NPAS3: variants seen among roughly 807,000 people sequenced by gnomAD.
The protein encoded by NPAS3 is neuronal PAS domain-containing protein 3.
Under a neutral mutation model 73.1 loss-of-function variants are expected in NPAS3, and 14 were observed. That is an observed-to-expected ratio of 0.19 (90% CI 0.13 to 0.30). The LOEUF (loss-of-function observed/expected upper bound fraction) is 0.30. Ranked by LOEUF, NPAS3 falls within the 10% of genes least tolerant of loss-of-function variation. The probability of loss-of-function intolerance (pLI) is 1.00; values close to 1 mark genes in which losing one functional copy is unlikely to be tolerated. For synonymous variants in NPAS3, 620 were observed against 541.5 expected (o/e 1.14, Z -2.01); for missense variants, 1,096 against 1,250.0 (o/e 0.88, Z 1.86).
chr14:33,470,247 G>A (rs896191201), intron 4 of NPAS3, among the ~76,000 whole-genome samples: 2 of 152,184 alleles, frequency 1.3e-5, no homozygotes, highest in African/African-American at 2.4e-5. Flanking sequence ...CAGTTTCAAG[G>A]AAAGGGAACA....
chr14:33,399,863 C>G (rs1594836570), intron 4 of NPAS3, among the ~76,000 whole-genome samples: 1 of 151,956 alleles, frequency 6.6e-6, no homozygotes, highest in Admixed American at 6.6e-5. Context: ...AAATTCAATA[C>G]CAGACTCAAC....
At chr14:33,636,903 GCACACACACACA>G (rs34527893) in intron 5 of NPAS3, among the ~76,000 whole-genome samples, 2 of 149,174 alleles carry the variant, frequency 1.3e-5, no homozygotes, top group South Asian at 2.1e-4. Flanking sequence ...CTCGGAGTGT[GCACACACACACA>G]CACACACACA....
intron 4 of NPAS3, among the ~76,000 whole-genome samples, chr14:33,471,685 G>A (rs2050788539): frequency 6.6e-6 from 1 of 152,216 alleles, no homozygotes; most frequent in Non-Finnish European, 1.5e-5. Flanking sequence ...AAATTAAGTT[G>A]TAAAATGATT....
At chr14:32,938,837 G>C (rs894789407), upstream of NPAS3, among the ~76,000 whole-genome samples, 1 of 145,644 alleles carries the variant, frequency 6.9e-6, no homozygotes, top group South Asian at 2.1e-4. Context: ...GCCTCCCCCC[G>C]CCGCCGCCGC....
intron 2 of NPAS3, among the ~76,000 whole-genome samples, chr14:33,140,131 T>C (rs999434894): frequency 6.6e-6 from 1 of 152,198 alleles, no homozygotes; most frequent in Non-Finnish European, 1.5e-5. Context: ...TCTTTGGTGG[T>C]GTGGTTCAGT....
At chr14:33,218,099 T>C (rs1230638229) in intron 3 of NPAS3, among the ~76,000 whole-genome samples, 1 of 152,196 alleles carries the variant, frequency 6.6e-6, no homozygotes, top group Non-Finnish European at 1.5e-5. Context: ...TGTTGCAGTT[T>C]CTGGAATGGC....
At chr14:33,333,497 A>T (rs2044079322) in intron 3 of NPAS3, among the ~76,000 whole-genome samples, 1 of 152,136 alleles carries the variant, frequency 6.6e-6, no homozygotes, top group Non-Finnish European at 1.5e-5. Context: ...TCATTTTACA[A>T]ATATGGAAAC....
At position 33,018,221 on chromosome 14, in the gene NPAS3, G is replaced by A. The variant is rs193171138; in HGVS notation, c.51-37684G>A. On this transcript the variant is annotated intron_variant, in intron 1 of 11. Coordinates refer to ENST00000356141, the Ensembl canonical transcript of NPAS3. ...TGGAAAAGTGGAAACTTTGAAGGAA[G>A]CACGAATGCTGTCTTAAAACATTTG... 4.6e-5 allele frequency among the ~76,000 whole-genome samples: 7 copies of A among 152,316 alleles called. No homozygotes were observed. The East Asian group carries it at 9.6e-4, about 21-fold the overall frequency.
rs1328237305 is a variant in NPAS3, at chr14:33,500,828, T to C, written c.469-59293T>C. 2.6e-5 allele frequency among the ~76,000 whole-genome samples: 4 copies of C among 151,940 alleles called. No individual in the cohort carries two copies. In the East Asian group the frequency reaches 7.8e-4, roughly 30 times the overall value. ...AAGTGCAATCCAAACTAGATTTAAA[T>C]GTCACCGATGAAAAGAGAAAAGCCA... On this transcript the variant is annotated intron_variant, in intron 4 of 11. Coordinates refer to ENST00000356141, the Ensembl canonical transcript of NPAS3.
intron 1 of NPAS3, among the ~76,000 whole-genome samples, chr14:33,047,014 G>T (rs1010342785): frequency 6.6e-6 from 1 of 151,902 alleles, no homozygotes; most frequent in Non-Finnish European, 1.5e-5. Context: ...CAAGGTGATG[G>T]GTTCTTTAAA....
intron 5 of NPAS3, among the ~76,000 whole-genome samples, chr14:33,670,335 G>T (rs1005653789): frequency 5.3e-5 from 8 of 151,988 alleles, no homozygotes; most frequent in Non-Finnish European, 1.2e-4. Flanking sequence ...CTTTCTTCTT[G>T]TTCTACTAAT....
intron 1 of NPAS3, among the ~76,000 whole-genome samples, chr14:33,008,519 T>C (rs79692594): frequency 6.6e-6 from 1 of 152,296 alleles, no homozygotes; most frequent in African/African-American, 2.4e-5. Flanking sequence ...AAAGAGAATG[T>C]GAAATCACGA....
At chr14:33,516,587 TTC>T (rs1448470482) in intron 4 of NPAS3, among the ~76,000 whole-genome samples, 1 of 152,144 alleles carries the variant, frequency 6.6e-6, no homozygotes, top group Non-Finnish European at 1.5e-5. Flanking sequence ...CTAGGGCAAG[TTC>T]TATAACCTCT....
At chr14:33,467,088 G>A (rs1007907327) in intron 4 of NPAS3, among the ~76,000 whole-genome samples, 1 of 152,186 alleles carries the variant, frequency 6.6e-6, no homozygotes, top group Non-Finnish European at 1.5e-5. Flanking sequence ...TTACTTGGTT[G>A]GAATTACCCC....
chr14:32,941,821 C>G (rs746802911), intron 1 of NPAS3, among the ~76,000 whole-genome samples: 5 of 152,134 alleles, frequency 3.3e-5, no homozygotes, highest in Non-Finnish European at 7.4e-5. Context: ...CTAAACCTTT[C>G]AAAAGGCAAC....
chr14:33,795,707 CA>C (rs2063493559), intron 10 of NPAS3, among the ~76,000 whole-genome samples: 1 of 152,182 alleles, frequency 6.6e-6, no homozygotes, highest in South Asian at 2.1e-4. Context: ...ACTGCCTCAT[CA>C]GCCTCATGAC....
rs3057435 is a variant in NPAS3 at position 33,077,774 on chromosome 14, G to GTTTTTTTTTTTTTTTTTTTTTTTTTTT, written c.140+21795_140+21796insTTTTTTTTTTTTTTTTTTTTTTTTTTT. 4.6e-5 allele frequency among the ~76,000 whole-genome samples: 4 copies of GTTTTTTTTTTTTTTTTTTTTTTTTTTT among 87,470 alleles called. 1 individual carries two copies. The highest frequency in any genetic ancestry group is 9.1e-5 in the Non-Finnish European group (4 of 43,802). 57.4% of individuals were successfully genotyped at this position (87,470 alleles called of 152,430 possible). A position where few individuals can be genotyped will look rare whatever the true frequency, so the allele number is the denominator to read the frequency against. On this transcript the variant is annotated intron_variant, in intron 2 of 11. Transcript: ENST00000356141. The stretch of plus-strand genomic sequence containing the variant: ...CTTTGCTCAAAACATTGCAGTAAGG[G>GTTTTTTTTTTTTTTTTTTTTTTTTTTT]TTTTTTTTTTTTTTTGCCCCTTTTG...
intron 3 of NPAS3, among the ~76,000 whole-genome samples, chr14:33,227,907 G>A (rs1007962396): frequency 1.3e-5 from 2 of 152,152 alleles, no homozygotes; most frequent in African/African-American, 4.8e-5. Flanking sequence ...TTGGTAGTAA[G>A]GTTTTCTGGT....
chr14:33,502,219 C>A (rs1442428647), intron 4 of NPAS3, among the ~76,000 whole-genome samples: 1 of 151,900 alleles, frequency 6.6e-6, no homozygotes, highest in Admixed American at 6.6e-5. Context: ...AAAAGCACCT[C>A]TTTTTTTCTG....
Sources: allele counts gnomAD v4.1 joint callset (sites outside exome capture counted in the v4.1 genomes callset), GRCh38; gene constraint gnomAD v4.1.1; transcripts MANE v1.5; gene names NCBI Gene and HGNC (gene_info 2026-07-23, HGNC 2026-07-21).